AVL9: variants seen among roughly 807,000 people sequenced by gnomAD.
The protein encoded by AVL9 is late secretory pathway protein AVL9 homolog.
A neutral mutation model predicts 79.2 loss-of-function variants in AVL9; 49 were observed. The observed-to-expected ratio is 0.62, with a 90% CI of 0.49 to 0.79. The LOEUF (loss-of-function observed/expected upper bound fraction) is 0.79, where lower values mean the gene tolerates loss of function less well. AVL9 is among the 30% of genes least tolerant of loss of function. The pLI is 0.00. For synonymous variants in AVL9, 299 were observed against 280.6 expected, an observed-to-expected ratio of 1.07 and a Z score of -0.65; for missense variants, 682 against 776.8, an observed-to-expected ratio of 0.88 and a Z score of 1.45.
chr7:32,557,436 C>G (rs1347313015), intron 8 of AVL9, among the ~76,000 whole-genome samples: 1 of 152,114 alleles, frequency 6.6e-6, no homozygotes, highest in Admixed American at 6.5e-5. Context: ...GGTATTCCAC[C>G]TTTGTCTCTT....
intron 1 of AVL9, chr7:32,539,210 C>T (rs1392007709): frequency 2.6e-5 from 4 of 152,232 alleles, no homozygotes; most frequent in Non-Finnish European, 1.5e-5. Context: ...GAGATTGTGC[C>T]ATTGCACTCC....
In AVL9 at chr7:32,552,364, G is replaced by A. The variant is rs926704391; in HGVS notation, c.529+69G>A. 19 of 931,990 alleles carry A rather than the reference G, an allele frequency of 2.0e-5. No homozygotes were observed. In the Admixed American group the frequency reaches 4.0e-4, roughly 19 times the overall value. 57.7% of individuals were successfully genotyped at this position (931,990 alleles called of 1,614,324 possible). The stretch of plus-strand genomic sequence containing the variant: ...ATTTGTTTAGCAAACTGAGTTGCGT[G>A]TAAAACTTTGATTAGAATTACATCT... On this transcript the variant is annotated intron_variant, in intron 6 of 15. Coordinates refer to ENST00000318709, the MANE Select transcript of AVL9 (RefSeq NM_015060.3).
chr7:32,542,515 C>T (rs565524449), intron 1 of AVL9, among the ~76,000 whole-genome samples: 2 of 152,102 alleles, frequency 1.3e-5, no homozygotes, highest in South Asian at 2.1e-4. Context: ...GAGATCATGC[C>T]ACTGCACTCC....
chr7:32,521,035 A>C (rs903991776), intron 1 of AVL9, among the ~76,000 whole-genome samples: 1 of 151,926 alleles, frequency 6.6e-6, no homozygotes, highest in Non-Finnish European at 1.5e-5. Flanking sequence ...GACATGTAAT[A>C]ATTGCCTTTA....
chr7:32,580,713 TTGTG>T, intron 14 of AVL9, 85 bp from the exon 15 acceptor site: 1 of 722,820 alleles, frequency 1.4e-6, no homozygotes, highest in African/African-American at 1.8e-5. Flanking sequence ...AGAGTGACTA[TTGTG>T]TGTGTGTCTA....
chr7:32,548,865 G>A lies in AVL9; in HGVS notation c.319G>A (p.Ala107Thr). 1.3e-6 allele frequency: 2 copies of A among 1,576,968 alleles called. No homozygotes were observed. The highest frequency in any genetic ancestry group is 2.3e-5 in the East Asian group (1 of 43,326). Residue 107 changes from alanine (A) to threonine (T), a missense_variant, in exon 4 of 16, where the codon GCA (alanine) becomes ACA (threonine). Ala to Thr is a moderately conservative substitution (Grantham distance 58). Coordinates refer to ENST00000318709, the MANE Select transcript of AVL9 (RefSeq NM_015060.3). Reference protein sequence around the residue: ...IEAKALKVRQADITRETVQKS... With the variant: ...IEAKALKVRQTDITRETVQKS... ...ATAATAGGCACTGAAAGTAAGGCAA[G>A]CAGATATCACCAGAGAGACTGTTCA...
chr7:32,505,519 G>C (rs987979464), intron 1 of AVL9, among the ~76,000 whole-genome samples: 1 of 18,476 alleles, frequency 5.4e-5, no homozygotes, highest in Non-Finnish European at 1.0e-4. Context: ...GCAAAACTCC[G>C]TCTCAAAAAA....
Position 32,583,959 on chromosome 7 carries a change from T to G in AVL9, c.*52T>G, listed in dbSNP as rs780777992. 2.3e-6 allele frequency: 3 copies of G among 1,306,332 alleles called. No individual in the cohort carries two copies. The highest frequency in any genetic ancestry group is 2.3e-5 in the East Asian group (1 of 43,200). The allele number at this position is 1,306,332 out of a possible 1,614,324, so 80.9% of individuals were successfully genotyped here. A position where few individuals can be genotyped will look rare whatever the true frequency, so the allele number is the denominator to read the frequency against. On this transcript the variant is annotated 3_prime_UTR_variant, in exon 16 of 16. Coordinates refer to ENST00000318709, the MANE Select transcript of AVL9 (RefSeq NM_015060.3). Reference sequence around the variant, plus strand: ...TTCTGAGGTTTAAGTGTCCCCTGTCTGTCTGCTGCTCCCAGGCTGTTACTA... The same window carrying G: ...TTCTGAGGTTTAAGTGTCCCCTGTCGGTCTGCTGCTCCCAGGCTGTTACTA...
chr7:32,548,122 A>C (rs1035244374), intron 3 of AVL9, among the ~76,000 whole-genome samples: 1 of 137,280 alleles, frequency 7.3e-6, no homozygotes, highest in African/African-American at 2.7e-5. Context: ...TCTGGAGAAC[A>C]AGCTGTCTGT....
rs1268354372 is a variant in AVL9, at chr7:32,585,867, C to G, written c.*1960C>G. 1 of 152,202 alleles carries G rather than the reference C, an allele frequency of 6.6e-6. No individual in the cohort carries two copies. The highest frequency in any genetic ancestry group is 1.5e-5 in the Non-Finnish European group (1 of 68,040). 9.4% of individuals were successfully genotyped at this position (152,202 alleles called of 1,614,324 possible). A position where few individuals can be genotyped will look rare whatever the true frequency, so the allele number is the denominator to read the frequency against. ...TACCAAACAAAAACCTTAAACAGTA[C>G]TTGAATCTTTTTTGCGCTGAGACTA... is the stretch of plus-strand genomic sequence containing the variant. On this transcript the variant is annotated 3_prime_UTR_variant, in exon 16 of 16. Transcript: ENST00000318709.
chr7:32,573,375 T>G lies in AVL9; in HGVS notation c.1527T>G (p.Phe509Leu). 1 of 1,613,884 alleles carries G rather than the reference T, an allele frequency of 6.2e-7. No homozygotes were observed. The highest frequency in any genetic ancestry group is 1.1e-5 in the South Asian group (1 of 91,074). The change falls in exon 12 of 16, where the codon TTT becomes TTG. Residue 509 changes from phenylalanine to leucine, a missense_variant. Transcript: ENST00000318709. The stretch of plus-strand genomic sequence containing the variant: ...GTGACGAATGGATCCGGGCCCAGTT[T>G]GCGGTCTACATTCATGCCCTGCTGG... The part of the protein sequence containing the change: ...EGGDEWIRAQ[F>L]AVYIHALLAA...
intron 1 of AVL9, among the ~76,000 whole-genome samples, chr7:32,514,314 G>A (rs1787817522): frequency 6.6e-6 from 1 of 152,224 alleles, no homozygotes; most frequent in South Asian, 2.1e-4. Context: ...AGTGCATTGT[G>A]TCTCTGGTTA....
At chr7:32,514,775 T>A (rs1787838123) in intron 1 of AVL9, among the ~76,000 whole-genome samples, 1 of 152,152 alleles carries the variant, frequency 6.6e-6, no homozygotes, top group African/African-American at 2.4e-5. Flanking sequence ...CCTTTGACCG[T>A]AATTTTCCTT....
intron 13 of AVL9, among the ~76,000 whole-genome samples, chr7:32,579,554 ATATTATATT>A (rs1791374043): frequency 7.8e-4 from 3 of 3,836 alleles, no homozygotes; most frequent in African/African-American, 1.2e-3. Flanking sequence ...TATATATTAT[ATATTATATT>A]ATATATTATA....
At chr7:32,565,757 C>T (rs899875611) in intron 10 of AVL9, among the ~76,000 whole-genome samples, 12 of 152,198 alleles carry the variant, frequency 7.9e-5, no homozygotes, top group African/African-American at 2.4e-4. Flanking sequence ...CCTGTAATCC[C>T]AGCACTTTGG....
At chr7:32,566,896 G>A (rs4720068) in intron 10 of AVL9, among the ~76,000 whole-genome samples, 127,585 of 152,194 alleles carry the variant, frequency 0.84, 53,527 homozygotes, top group Middle Eastern at 0.88. Context: ...AAATAAATAA[G>A]TAAATGTGAC....
At chr7:32,583,746 C>G in intron 15 of AVL9, 46 bp from the exon 16 acceptor site, 1 of 1,283,054 alleles carries the variant, frequency 7.8e-7, no homozygotes, top group Non-Finnish European at 1.1e-6. Flanking sequence ...TGTCTCGTAA[C>G]AAAAGTTAAG....
chr7:32,518,699 A>G (rs1345617371), intron 1 of AVL9, among the ~76,000 whole-genome samples: 1 of 152,156 alleles, frequency 6.6e-6, no homozygotes, highest in Admixed American at 6.5e-5. Context: ...AGAAAGAAGG[A>G]TATGTAGGAC....
rs570413342 is a variant in AVL9, at chr7:32,586,075, G to C, written c.*2168G>C. The C allele has an allele frequency of 5.3e-5, 8 of 152,280 alleles. No individual in the cohort carries two copies. The highest frequency in any genetic ancestry group is 1.7e-4 in the African/African-American group (7 of 41,548). The allele number at this position is 152,280 out of a possible 1,614,324, so 9.4% of individuals were successfully genotyped here. ...GTCTTTCAGTTGGTATGGTTTCTGT[G>C]ATCGGGGTAAACTCCCGTCTCCCAC... On this transcript the variant is annotated 3_prime_UTR_variant, in exon 16 of 16. Transcript: ENST00000318709.
Sources: allele counts gnomAD v4.1 joint callset (sites outside exome capture counted in the v4.1 genomes callset), GRCh38; gene constraint gnomAD v4.1.1; transcripts MANE v1.5; gene names NCBI Gene and HGNC (gene_info 2026-07-23, HGNC 2026-07-21).